The following PTPN14 variants were observed in gnomAD, a reference collection of about 807,000 sequenced individuals.
The protein encoded by PTPN14 is protein tyrosine phosphatase non-receptor type 14, also known as tyrosine-protein phosphatase non-receptor type 14.
Under a neutral mutation model 126.8 loss-of-function variants are expected in PTPN14, and 53 were observed. That is an observed-to-expected ratio of 0.42 (90% CI 0.34 to 0.53). PTPN14 has a LOEUF of 0.53. PTPN14 is among the 20% of genes least tolerant of loss of function. The pLI is 0.08. For missense variants in PTPN14, 1,257 were observed against 1,552.9 expected (o/e 0.81, Z 3.20); for synonymous variants, 630 against 599.3 (o/e 1.05, Z -0.75).
At chr1:214,416,707 C>T (rs1659433151) in intron 3 of PTPN14, among the ~76,000 whole-genome samples, 1 of 152,148 alleles carries the variant, frequency 6.6e-6, no homozygotes, top group Admixed American at 6.5e-5. Flanking sequence ...GTGCTATTAC[C>T]ACGAGATTGT....
intron 1 of PTPN14, among the ~76,000 whole-genome samples, chr1:214,550,322 C>T (rs1656075948): frequency 6.6e-6 from 1 of 152,186 alleles, no homozygotes; most frequent in African/African-American, 2.4e-5. Context: ...AGAGATTCCT[C>T]ACCTTCACAA....
intron 1 of PTPN14, among the ~76,000 whole-genome samples, chr1:214,534,287 G>GA (rs1215286939): frequency 4.6e-5 from 7 of 152,086 alleles, no homozygotes; most frequent in African/African-American, 1.7e-4. Context: ...CCCTAATGAA[G>GA]AACTCTCCAA....
intron 18 of PTPN14, among the ~76,000 whole-genome samples, chr1:214,359,410 G>A (rs919421380): frequency 2.0e-5 from 3 of 147,710 alleles, no homozygotes; most frequent in Non-Finnish European, 4.5e-5. Context: ...TTTTAGTAGA[G>A]ACGGGGTTTC....
At chr1:214,533,002 G>C in intron 1 of PTPN14, 1 of 757,924 alleles carries the variant, frequency 1.3e-6, no homozygotes, top group Non-Finnish European at 2.4e-6. Flanking sequence ...TGAGCGGACT[G>C]AGGAGAGCAC....
In PTPN14 at chr1:214,376,427, A is replaced by G. The variant is rs1345072590; in HGVS notation, c.2699T>C (p.Leu900Pro). Residue 900 changes from leucine to proline, a missense_variant, in exon 15 of 19, where the codon CTG (leucine) becomes CCG (proline). This residue lies in a region of PTPN14 where 65 missense variants were observed against 139.7 expected (regional missense o/e 0.47). Coordinates refer to ENST00000366956, the MANE Select transcript of PTPN14 (RefSeq NM_005401.5). ...CATTCCCTCTTCTAGTTTCTTCTTC[A>G]GGGTTCTGAACTGCAACAGAAATTG... Reference protein sequence around the residue: ...RVPMDERFRTLKKKLEEGMVF... With the variant: ...RVPMDERFRTPKKKLEEGMVF... 1 of 1,612,966 alleles carries G rather than the reference A, an allele frequency of 6.2e-7. No homozygotes were observed.
chr1:214,549,918 C>A (rs571892310), intron 1 of PTPN14, among the ~76,000 whole-genome samples: 1 of 152,184 alleles, frequency 6.6e-6, no homozygotes, highest in Non-Finnish European at 1.5e-5. Flanking sequence ...AGCAACACTG[C>A]ACCAACATGG....
intron 1 of PTPN14, among the ~76,000 whole-genome samples, chr1:214,492,521 G>A (rs182022699): frequency 6.6e-6 from 1 of 152,286 alleles, no homozygotes; most frequent in African/African-American, 2.4e-5. Flanking sequence ...TTAAAGTTTT[G>A]TGTATACGTT....
At chr1:214,360,314 G>A (rs1265342948) in intron 18 of PTPN14, among the ~76,000 whole-genome samples, 3 of 152,080 alleles carry the variant, frequency 2.0e-5, no homozygotes, top group African/African-American at 7.2e-5. Context: ...AACTTGCGAC[G>A]TTGCCTGGGC....
At chr1:214,526,460 T>C (rs1655400142) in intron 1 of PTPN14, among the ~76,000 whole-genome samples, 1 of 151,254 alleles carries the variant, frequency 6.6e-6, no homozygotes, top group Admixed American at 6.6e-5. Flanking sequence ...GCCAATAAAA[T>C]ATACACTCCA....
Position 214,551,292 on chromosome 1 carries a change from G to T in PTPN14, c.-264C>A. ...TGATTCCAGTGACTGGCGGAGGAGG[G>T]GCGAAGGGAAGGAGCCGCAGGAGGC... is the stretch of plus-strand genomic sequence containing the variant. On this transcript the variant is annotated 5_prime_UTR_variant, in exon 1 of 19. Transcript: ENST00000366956. 6.6e-6 allele frequency: 1 copy of T among 152,582 alleles called. No homozygotes were observed. The highest frequency in any genetic ancestry group is 1.5e-5 in the Non-Finnish European group (1 of 68,196). 9.5% of individuals were successfully genotyped at this position (152,582 alleles called of 1,614,324 possible).
chr1:214,490,885 AAGGGG>A (rs1661220858), intron 1 of PTPN14, among the ~76,000 whole-genome samples: 2 of 9,118 alleles, frequency 2.2e-4, no homozygotes, highest in African/African-American at 9.9e-4. Flanking sequence ...GAGGGGAGGG[AAGGGG>A]AGGGGAGGGA....
intron 1 of PTPN14, among the ~76,000 whole-genome samples, chr1:214,478,749 G>A (rs377522232): frequency 2.0e-5 from 3 of 151,992 alleles, no homozygotes; most frequent in Admixed American, 2.0e-4. Context: ...ATCTTCACAC[G>A]TCCAATTTAC....
chr1:214,486,956 T>C (rs1661126995), intron 1 of PTPN14, among the ~76,000 whole-genome samples: 1 of 152,130 alleles, frequency 6.6e-6, no homozygotes, highest in Non-Finnish European at 1.5e-5. Context: ...GCTATTCACA[T>C]TAATTTATGC....
At chr1:214,403,417 A>T (rs1659082603) in intron 5 of PTPN14, among the ~76,000 whole-genome samples, 1 of 152,182 alleles carries the variant, frequency 6.6e-6, no homozygotes, top group Non-Finnish European at 1.5e-5. Flanking sequence ...CACTGAAGGC[A>T]GAGTAGGCTC....
intron 3 of PTPN14, among the ~76,000 whole-genome samples, chr1:214,435,142 T>G (rs1225421416): frequency 8.5e-5 from 13 of 152,270 alleles, no homozygotes; most frequent in African/African-American, 3.1e-4. Flanking sequence ...AAAGTGAAAT[T>G]GATTCCCCCT....
At chr1:214,536,522 C>T (rs901125906) in intron 1 of PTPN14, among the ~76,000 whole-genome samples, 4 of 151,900 alleles carry the variant, frequency 2.6e-5, no homozygotes, top group Admixed American at 6.6e-5. Flanking sequence ...TGGTGGCTCA[C>T]ACCTATAATC....
chr1:214,471,898 T>C (rs998294999), intron 1 of PTPN14, among the ~76,000 whole-genome samples: 1 of 152,152 alleles, frequency 6.6e-6, no homozygotes, highest in South Asian at 2.1e-4. Context: ...GTTCTTTTTT[T>C]CCCCAGGGGA....
intron 3 of PTPN14, among the ~76,000 whole-genome samples, chr1:214,429,937 C>A (rs887772046): frequency 6.6e-6 from 1 of 152,030 alleles, no homozygotes; most frequent in African/African-American, 2.4e-5. Context: ...CCTTAATGAC[C>A]TCATCAGATT....
At chr1:214,467,129 A>G (rs766969603) in intron 1 of PTPN14, among the ~76,000 whole-genome samples, 1 of 152,200 alleles carries the variant, frequency 6.6e-6, no homozygotes, top group Non-Finnish European at 1.5e-5. Flanking sequence ...AGGTAAGCCA[A>G]TCTGATTTCT....
Sources: gnomAD v4.1 joint callset for allele counts (sites outside exome capture counted in the v4.1 genomes callset) on GRCh38, gnomAD v4.1.1 for gene constraint, gnomAD v4.1.1 regional missense constraint, MANE v1.5 for transcripts, NCBI Gene and HGNC (gene_info 2026-07-23, HGNC 2026-07-21) for gene names.